PMS1: variants seen among roughly 807,000 people sequenced by gnomAD.
The protein encoded by PMS1 is PMS1 protein homolog 1.
A neutral mutation model predicts 93.1 loss-of-function variants in PMS1; 79 were observed. The ratio of observed to expected loss-of-function variants is 0.85; its 90% CI spans 0.71 to 1.02. The LOEUF (loss-of-function observed/expected upper bound fraction) is 1.02, where lower values mean the gene tolerates loss of function less well. Among genes scored for constraint, PMS1 ranks in the 50% least tolerant of loss-of-function variants. The pLI is 0.00. For missense variants in PMS1, 1,064 were observed against 1,085.3 expected, an observed-to-expected ratio of 0.98 and a Z score of 0.28; for synonymous variants, 335 against 363.4, an observed-to-expected ratio of 0.92 and a Z score of 0.89.
intron 5 of PMS1, among the ~76,000 whole-genome samples, chr2:189,822,256 G>C (rs1481145113): frequency 6.6e-6 from 1 of 152,220 alleles, no homozygotes; most frequent in Non-Finnish European, 1.5e-5. Context: ...CTGGGTAGGA[G>C]CACCGACTGC....
rs1419606415 is a variant in PMS1, at chr2:189,853,965, A to G, written c.849A>G (p.Lys283=). 3 of 1,595,568 alleles carry G rather than the reference A, an allele frequency of 1.9e-6. No homozygotes were observed. The highest frequency in any genetic ancestry group is 2.7e-5 in the African/African-American group (2 of 74,654). ...LKLIRHHYNL[K]CLKESTRLYP... is the part of the protein sequence containing the mutation. ...TAATCCGACATCATTACAATCTGAA[A>G]TGCCTAAAGGAATCTACTCGTTTGT... The change falls in exon 8 of 13, where the codon AAA becomes AAG. Residue 283 remains lysine (K), a synonymous_variant. Transcript: ENST00000441310.
intron 5 of PMS1, among the ~76,000 whole-genome samples, chr2:189,834,252 A>G (rs1235748942): frequency 6.6e-6 from 1 of 152,226 alleles, no homozygotes; most frequent in African/African-American, 2.4e-5. Context: ...AGAGGTATTC[A>G]AAGCAGGGAG....
chr2:189,852,088 T>G (rs1168291185), intron 6 of PMS1, among the ~76,000 whole-genome samples: 3 of 152,188 alleles, frequency 2.0e-5, no homozygotes, highest in African/African-American at 7.2e-5. Context: ...TAGAAGAGTT[T>G]TCTGAACAAA....
intron 12 of PMS1, among the ~76,000 whole-genome samples, 155 bp from the exon 13 acceptor site, chr2:189,877,117 C>G: frequency 6.6e-6 from 1 of 152,108 alleles, no homozygotes; most frequent in East Asian, 1.9e-4. Flanking sequence ...CACTACATCC[C>G]GAGAGCTGAC....
chr2:189,863,585 G>A (rs1379845045), intron 9 of PMS1, among the ~76,000 whole-genome samples, 158 bp from the exon 10 acceptor site: 1 of 152,064 alleles, frequency 6.6e-6, no homozygotes, highest in African/African-American at 2.4e-5. Flanking sequence ...TTTGTTCAGT[G>A]TTTGTCATAG....
chr2:189,809,447 C>CTTT lies in PMS1; in HGVS notation c.418+3718_418+3720dup, dbSNP rs972672920. Among the ~76,000 whole-genome samples, 611 of 63,372 alleles carry CTTT rather than the reference C, an allele frequency of 9.6e-3. 52 individuals carry two copies. The highest frequency in any genetic ancestry group is 0.018 in the African/African-American group (318 of 18,070). 41.6% of individuals were successfully genotyped at this position (63,372 alleles called of 152,430 possible). Reference sequence around the variant, plus strand: ...TTGGTGCTTTTAAGGAAGCACATTTCTTTTTTTTTTTTTTTTTTTTTTTTT... The same window carrying CTTT: ...TTGGTGCTTTTAAGGAAGCACATTTCTTTTTTTTTTTTTTTTTTTTTTTTTTTT... On this transcript the variant is annotated intron_variant, in intron 4 of 12. Coordinates refer to ENST00000441310, the MANE Select transcript of PMS1 (RefSeq NM_000534.5).
chr2:189,794,271 C>A (rs982250625), intron 2 of PMS1, among the ~76,000 whole-genome samples: 5 of 152,114 alleles, frequency 3.3e-5, no homozygotes, highest in Non-Finnish European at 7.4e-5. Context: ...TGCCACCATG[C>A]CCGGCTAATT....
At chr2:189,870,133 T>C (rs2057020277) in intron 11 of PMS1, among the ~76,000 whole-genome samples, 1 of 152,238 alleles carries the variant, frequency 6.6e-6, no homozygotes, top group Non-Finnish European at 1.5e-5. Context: ...GTTAAAGATA[T>C]TTATGTTTTC....
chr2:189,803,088 G>A (rs550492807), intron 3 of PMS1, among the ~76,000 whole-genome samples: 1 of 152,178 alleles, frequency 6.6e-6, no homozygotes, highest in East Asian at 1.9e-4. Context: ...TCAGGCAAAA[G>A]TCTGTATTTC....
chr2:189,792,688 AATATATATATATATAT>A (rs3067428), intron 2 of PMS1, among the ~76,000 whole-genome samples: 46 of 127,260 alleles, frequency 3.6e-4, no homozygotes, highest in Non-Finnish European at 6.3e-4. Context: ...TATGGACACA[AATATATATATATATAT>A]ATATATATAT....
At chr2:189,853,161 C>T (rs1049787437) in intron 7 of PMS1, among the ~76,000 whole-genome samples, 10 of 151,990 alleles carry the variant, frequency 6.6e-5, no homozygotes, top group Non-Finnish European at 8.8e-5. Context: ...TTGAGCAATT[C>T]GCCTGCCTCA....
Position 189,863,861 on chromosome 2 carries a change from G to A in PMS1, c.1975G>A (p.Ala659Thr), listed in dbSNP as rs747650016. 2.2e-5 allele frequency: 36 copies of A among 1,613,878 alleles called. No individual in the cohort carries two copies. The highest frequency in any genetic ancestry group is 5.5e-5 in the South Asian group (5 of 91,074). The change falls in exon 10 of 13, where the codon GCA becomes ACA. Residue 659 changes from alanine (A) to threonine (T), a missense_variant. Ala to Thr is a moderately conservative substitution (Grantham distance 58). Transcript: ENST00000441310. ...DGRKKIKPTS[A>T]WNLAQKHKLK... ...CAGAAAAAAGATAAAACCCACCAGC[G>A]CATGGAATTTGGCCCAGAAGCACAA... is the stretch of plus-strand genomic sequence containing the variant.
chr2:189,813,748 G>A (rs1395497865), intron 4 of PMS1, among the ~76,000 whole-genome samples: 2 of 152,196 alleles, frequency 1.3e-5, no homozygotes, highest in Non-Finnish European at 2.9e-5. Context: ...ATATTCATGG[G>A]AGTAAAGAAA....
chr2:189,853,826 C>T (rs1029392596), intron 7 of PMS1, 113 bp from the exon 8 acceptor site: 9 of 683,064 alleles, frequency 1.3e-5, no homozygotes, highest in Non-Finnish European at 1.9e-5. Context: ...CATGATAATG[C>T]TTTTCCTAAT....
At chr2:189,828,681 A>G (rs916112179) in intron 5 of PMS1, among the ~76,000 whole-genome samples, 3 of 152,218 alleles carry the variant, frequency 2.0e-5, no homozygotes, top group African/African-American at 4.8e-5. Context: ...GGTAAACATT[A>G]AGTTCACTGT....
At chr2:189,800,657 C>T (rs2049805760) in intron 3 of PMS1, among the ~76,000 whole-genome samples, 1 of 152,048 alleles carries the variant, frequency 6.6e-6, no homozygotes, top group Admixed American at 6.6e-5. Context: ...ACAGTGAATG[C>T]AATAAAAATT....
At chr2:189,852,578 A>G (rs1324833899) in intron 6 of PMS1, 77 bp from the exon 7 acceptor site, 13 of 1,251,606 alleles carry the variant, frequency 1.0e-5, no homozygotes, top group Non-Finnish European at 1.5e-5. Context: ...ATTTTTTTAT[A>G]CCTTTCAAAG....
intron 5 of PMS1, among the ~76,000 whole-genome samples, chr2:189,824,868 C>T (rs866320162): frequency 2.3e-4 from 35 of 152,074 alleles, no homozygotes; most frequent in Admixed American, 9.2e-4. Context: ...CCCAAAATAG[C>T]AATGACATGT....
chr2:189,828,661 A>G (rs2106363036), intron 5 of PMS1, among the ~76,000 whole-genome samples: 1 of 152,322 alleles, frequency 6.6e-6, no homozygotes, highest in East Asian at 1.9e-4. Context: ...ACTAGATTAT[A>G]GGGTTTACTG....
Sources: allele counts gnomAD v4.1 joint callset (sites outside exome capture counted in the v4.1 genomes callset), GRCh38; gene constraint gnomAD v4.1.1; transcripts MANE v1.5; gene names NCBI Gene and HGNC (gene_info 2026-07-23, HGNC 2026-07-21).